The following ELAC1 variants were observed in gnomAD, a reference collection of about 807,000 sequenced individuals.
ELAC1 encodes the protein elaC ribonuclease Z 1.
ELAC1 carries 19 observed loss-of-function variants against 25.8 expected under a neutral mutation model. That is an observed-to-expected ratio of 0.74 (90% CI 0.51 to 1.08). The LOEUF (loss-of-function observed/expected upper bound fraction) is 1.08, where lower values mean the gene tolerates loss of function less well. ELAC1 is among the 50% of genes least tolerant of loss of function. The probability of loss-of-function intolerance (pLI) is 0.00; values close to 1 mark genes in which losing one functional copy is unlikely to be tolerated. For synonymous variants in ELAC1, 148 were observed against 160.9 expected (o/e 0.92, Z 0.61); for missense variants, 403 against 434.6 (o/e 0.93, Z 0.65).
intron 2 of ELAC1, among the ~76,000 whole-genome samples, chr18:50,982,489 C>T (rs191874301): frequency 3.9e-5 from 6 of 152,248 alleles, no homozygotes; most frequent in African/African-American, 1.2e-4. Context: ...TAGCATCAAA[C>T]GTTTAAAATA....
At chr18:50,983,856 A>T (rs28600840) in intron 2 of ELAC1, among the ~76,000 whole-genome samples, 52,292 of 146,690 alleles carry the variant, frequency 0.36, 9,121 homozygotes, top group East Asian at 0.41. Context: ...CTGTCTCTTT[A>T]AAAAAAAAAA....
At chr18:50,971,912 GTATATA>G (rs66495742) in intron 1 of ELAC1, among the ~76,000 whole-genome samples, 2,500 of 76,488 alleles carry the variant, frequency 0.033, 32 homozygotes, top group Middle Eastern at 0.054. Context: ...GTGTGTGTGT[GTATATA>G]TATATATATA....
In ELAC1 at chr18:50,974,370, A is replaced by T. The variant is rs1568185545; in HGVS notation, c.-8-27A>T. 3 of 1,505,192 alleles carry T rather than the reference A, an allele frequency of 2.0e-6. No individual in the cohort carries two copies. In the Admixed American group the frequency reaches 7.1e-5, roughly 36 times the overall value. The allele number at this position is 1,505,192 out of a possible 1,614,324, so 93.2% of individuals were successfully genotyped here. A position where few individuals can be genotyped will look rare whatever the true frequency, so the allele number is the denominator to read the frequency against. On this transcript the variant is annotated intron_variant, in intron 1 of 3. Transcript: ENST00000269466. ...TGTTTTTGGTACAGTGATATGAAAT[A>T]ATCCCCAGATGATCTTTCTGTTGCA...
At position 50,973,493 on chromosome 18, in the gene ELAC1, T is replaced by C. The variant is rs539978847; in HGVS notation, c.-8-904T>C. ...AAGTCCTCGTGAGTCATGGACCATG[T>C]CATGTAGGGAGTGAGACATTTGTTC... is the stretch of plus-strand genomic sequence containing the variant. On this transcript the variant is annotated intron_variant, in intron 1 of 3. Transcript: ENST00000269466. 2.9e-4 allele frequency among the ~76,000 whole-genome samples: 44 copies of C among 152,310 alleles called. No homozygotes were observed. The South Asian group carries it at 8.9e-3, about 31-fold the overall frequency.
Position 50,983,692 on chromosome 18 carries a change from A to T in ELAC1, c.158-404A>T, listed in dbSNP as rs549692135. On this transcript the variant is annotated intron_variant, in intron 2 of 3. Transcript: ENST00000269466. ...AGCAAGACCTCATTTCTACAAAATT[A>T]AAAAAAAAAAAAAAAAACCAGGCAT... is the stretch of plus-strand genomic sequence containing the variant. Among the ~76,000 whole-genome samples the T allele has an allele frequency of 1.1e-3, 80 of 72,960 alleles. 1 individual carries two copies. The South Asian group carries it at 0.014, about 12-fold the overall frequency. 47.9% of individuals were successfully genotyped at this position (72,960 alleles called of 152,430 possible).
In ELAC1 at chr18:50,984,354, C is replaced by A. The variant is rs745589685; in HGVS notation, c.416C>A (p.Ala139Glu). The change falls in exon 3 of 4, where the codon GCG (alanine) becomes GAG (glutamate). Residue 139 changes from alanine (A) to glutamate (E), a missense_variant. Transcript: ENST00000269466. ...CCTGCAGAAGAACTAAAAGAATTTG[C>A]GCATGTGAATAGAGCAGACAGTCCT... ...QCPAEELKEF[A>E]HVNRADSPPK... 6.2e-7 allele frequency: 1 copy of A among 1,614,038 alleles called. No homozygotes were observed. The highest frequency in any genetic ancestry group is 8.5e-7 in the Non-Finnish European group (1 of 1,180,042).
At chr18:50,985,594 G>T (rs559814869) in intron 3 of ELAC1, among the ~76,000 whole-genome samples, 3 of 152,208 alleles carry the variant, frequency 2.0e-5, no homozygotes, top group African/African-American at 7.2e-5. Flanking sequence ...CCTGTAAAAA[G>T]CACAGTGGCA....
intron 3 of ELAC1, among the ~76,000 whole-genome samples, chr18:50,986,011 C>CTTTTTT (rs34348056): frequency 2.1e-4 from 18 of 85,054 alleles, no homozygotes; most frequent in Admixed American, 3.1e-4. Flanking sequence ...TTGATTATAT[C>CTTTTTT]TTTTTTTTTT....
At chr18:50,981,142 C>T (rs538946283) in intron 2 of ELAC1, among the ~76,000 whole-genome samples, 1 of 150,404 alleles carries the variant, frequency 6.6e-6, no homozygotes, top group Non-Finnish European at 1.5e-5. Context: ...TATTCTACAC[C>T]CTATACTTAT....
At chr18:50,974,050 A>T (rs1907730549) in intron 1 of ELAC1, among the ~76,000 whole-genome samples, 1 of 152,160 alleles carries the variant, frequency 6.6e-6, no homozygotes, top group Non-Finnish European at 1.5e-5. Flanking sequence ...CTGCCTGTTC[A>T]TTCTTCCTTC....
intron 1 of ELAC1, among the ~76,000 whole-genome samples, chr18:50,970,764 A>G (rs896712892): frequency 1.3e-5 from 2 of 152,158 alleles, no homozygotes; most frequent in African/African-American, 4.8e-5. Flanking sequence ...ACTCATTGAA[A>G]CATAATGCAA....
At chr18:50,979,224 T>A (rs1179213812) in intron 2 of ELAC1, among the ~76,000 whole-genome samples, 1 of 152,222 alleles carries the variant, frequency 6.6e-6, no homozygotes, top group African/African-American at 2.4e-5. Flanking sequence ...AGTGGCTTAT[T>A]TGCATTTATT....
chr18:50,970,311 G>A (rs1211655142), intron 1 of ELAC1, among the ~76,000 whole-genome samples: 3 of 152,326 alleles, frequency 2.0e-5, no homozygotes, highest in East Asian at 3.9e-4. Context: ...CCGGGGTTAT[G>A]TACTACTGAT....
At chr18:50,973,032 A>C (rs2144308867) in intron 1 of ELAC1, among the ~76,000 whole-genome samples, 1 of 152,364 alleles carries the variant, frequency 6.6e-6, no homozygotes, top group African/African-American at 2.4e-5. Flanking sequence ...TATCAGGGAC[A>C]TAATGTGTAT....
intron 2 of ELAC1, among the ~76,000 whole-genome samples, chr18:50,977,409 C>A (rs1315953402): frequency 6.6e-6 from 1 of 152,240 alleles, no homozygotes; most frequent in Non-Finnish European, 1.5e-5. Flanking sequence ...GCAGGCCCAA[C>A]ACCACATCTA....
intron 1 of ELAC1, among the ~76,000 whole-genome samples, chr18:50,971,586 T>C (rs1042619801): frequency 1.3e-5 from 2 of 151,834 alleles, no homozygotes; most frequent in South Asian, 4.2e-4. Context: ...GTAGAGACAG[T>C]GTCTCACTAT....
intron 1 of ELAC1, chr18:50,968,380 CT>C (rs1568183968): frequency 6.6e-6 from 1 of 152,476 alleles, no homozygotes; most frequent in South Asian, 2.1e-4. Flanking sequence ...GCCTCTGGCC[CT>C]GCCTGTGCCT....
chr18:50,985,440 G>A (rs1908081899), intron 3 of ELAC1, among the ~76,000 whole-genome samples: 1 of 152,226 alleles, frequency 6.6e-6, no homozygotes, highest in Non-Finnish European at 1.5e-5. Flanking sequence ...GTGGGCTTGG[G>A]GCCCATCTAA....
chr18:50,986,645 A>G lies in ELAC1; in HGVS notation c.652A>G (p.Lys218Glu). The G allele has an allele frequency of 6.2e-7, 1 of 1,612,832 alleles. No individual in the cohort carries two copies. Among genetic ancestry groups the G allele is most frequent in the Non-Finnish European group, 8.5e-7 (1 of 1,179,130 alleles). Reference protein sequence around the residue: ...LGVPPGPAYGKLKNGISVVLE... With the variant: ...LGVPPGPAYGELKNGISVVLE... ...TGTTCCACCAGGTCCTGCCTATGGG[A>G]AGCTGAAAAATGGAATTTCTGTTGT... Residue 218 changes from lysine (K) to glutamate (E), a missense_variant, in exon 4 of 4, where the codon AAG becomes GAG. By Grantham distance (56) the Lys-to-Glu change is moderately conservative. Transcript: ENST00000269466.
Sources: gnomAD v4.1 joint callset for allele counts (sites outside exome capture counted in the v4.1 genomes callset) on GRCh38, gnomAD v4.1.1 for gene constraint, MANE v1.5 for transcripts, NCBI Gene and HGNC (gene_info 2026-07-23, HGNC 2026-07-21) for gene names.